Variants in ADGRL4 observed in about 807,000 individuals in gnomAD.
ADGRL4 encodes adhesion G protein-coupled receptor L4, also known as EGF, latrophilin and seven transmembrane domain containing 1.
Under a neutral mutation model 74.8 loss-of-function variants are expected in ADGRL4, and 90 were observed. The ratio of observed to expected loss-of-function variants is 1.20; its 90% CI spans 1.02 to 1.43. The LOEUF is 1.43. ADGRL4 is among the 40% of genes most tolerant of loss of function. The probability of loss-of-function intolerance (pLI) is 0.00; values close to 1 mark genes in which losing one functional copy is unlikely to be tolerated. For synonymous variants in ADGRL4, 311 were observed against 279.2 expected, an observed-to-expected ratio of 1.11 and a Z score of -1.14; for missense variants, 881 against 814.3, an observed-to-expected ratio of 1.08 and a Z score of -1.00.
At chr1:78,944,891 C>A (rs1349373543) in intron 3 of ADGRL4, among the ~76,000 whole-genome samples, 1 of 151,930 alleles carries the variant, frequency 6.6e-6, no homozygotes, top group African/African-American at 2.4e-5. Flanking sequence ...AATTTTTGAA[C>A]ATTGTGTCAT....
intron 12 of ADGRL4, among the ~76,000 whole-genome samples, chr1:78,895,505 A>G (rs529282564): frequency 1.3e-5 from 2 of 152,306 alleles, no homozygotes; most frequent in South Asian, 4.1e-4. Flanking sequence ...CAAAATGGAC[A>G]TGTAAGACTA....
intron 7 of ADGRL4, among the ~76,000 whole-genome samples, chr1:78,929,216 T>C (rs1649185681): frequency 6.6e-6 from 1 of 151,298 alleles, no homozygotes; most frequent in African/African-American, 2.5e-5. Flanking sequence ...TAAAAAAATA[T>C]ACATTTAAAA....
At chr1:78,952,328 C>CTTTTTTTT (rs10647389) in intron 2 of ADGRL4, among the ~76,000 whole-genome samples, 1 of 119,694 alleles carries the variant, frequency 8.4e-6, no homozygotes, top group Non-Finnish European at 1.7e-5. Flanking sequence ...ACATAGAAAG[C>CTTTTTTTT]TTTTTTTTTT....
intron 2 of ADGRL4, among the ~76,000 whole-genome samples, chr1:78,973,856 G>A (rs540047194): frequency 2.6e-5 from 4 of 151,828 alleles, no homozygotes; most frequent in Non-Finnish European, 5.9e-5. Context: ...AATAATGCCA[G>A]GAAGATATTT....
chr1:78,909,912 T>G (rs918702940), intron 12 of ADGRL4, among the ~76,000 whole-genome samples: 2 of 151,866 alleles, frequency 1.3e-5, no homozygotes, highest in African/African-American at 4.8e-5. Context: ...AATAGGAAAG[T>G]TGTTAAATAA....
At chr1:78,920,147 C>A (rs775724891) in intron 10 of ADGRL4, 36 bp downstream of exon 10, 1 of 1,512,588 alleles carries the variant, frequency 6.6e-7, no homozygotes, top group South Asian at 1.2e-5. Context: ...GTACACATAT[C>A]ATAGGACAAA....
At chr1:78,913,308 A>C (rs892545127) in intron 12 of ADGRL4, among the ~76,000 whole-genome samples, 2 of 151,954 alleles carry the variant, frequency 1.3e-5, no homozygotes, top group African/African-American at 4.8e-5. Context: ...AAAGAATATA[A>C]ATTGTTCTAT....
intron 7 of ADGRL4, among the ~76,000 whole-genome samples, chr1:78,934,796 G>GA (rs1283800975): frequency 6.6e-6 from 1 of 151,700 alleles, no homozygotes; most frequent in African/African-American, 2.4e-5. Context: ...CAACAAACAT[G>GA]AAAAAAAAGC....
At chr1:78,924,034 T>C (rs1378306008) in intron 8 of ADGRL4, among the ~76,000 whole-genome samples, 4 of 152,066 alleles carry the variant, frequency 2.6e-5, no homozygotes, top group African/African-American at 9.6e-5. Context: ...TTAAAGATTT[T>C]GGAATACTGA....
At chr1:78,891,779 T>C in intron 13 of ADGRL4, 87 bp from the exon 14 acceptor site, 1 of 1,204,926 alleles carries the variant, frequency 8.3e-7, no homozygotes, top group Non-Finnish European at 1.1e-6. Context: ...GGGAGGTGAG[T>C]TTTCAGTATA....
chr1:78,919,884 T>C (rs1648959681), intron 10 of ADGRL4, among the ~76,000 whole-genome samples: 1 of 151,972 alleles, frequency 6.6e-6, no homozygotes, highest in Non-Finnish European at 1.5e-5. Flanking sequence ...TTGGCCTTTG[T>C]TTAACGTCCA....
intron 12 of ADGRL4, among the ~76,000 whole-genome samples, chr1:78,914,157 G>A (rs372091034): frequency 7.3e-4 from 111 of 151,786 alleles, no homozygotes; most frequent in African/African-American, 2.5e-3. Flanking sequence ...CTGCCCTTTC[G>A]CAATCATATA....
At chr1:78,988,782 C>T (rs558009270) in intron 2 of ADGRL4, among the ~76,000 whole-genome samples, 5 of 151,924 alleles carry the variant, frequency 3.3e-5, no homozygotes, top group South Asian at 2.1e-4. Flanking sequence ...ACGTGAATCA[C>T]TTGAGAGGCA....
At chr1:78,981,316 C>A (rs139893094) in intron 2 of ADGRL4, among the ~76,000 whole-genome samples, 2 of 151,724 alleles carry the variant, frequency 1.3e-5, no homozygotes, top group Admixed American at 6.6e-5. Flanking sequence ...TTCACTCAGG[C>A]AGAGGAGGAA....
intron 12 of ADGRL4, among the ~76,000 whole-genome samples, chr1:78,899,441 A>G (rs866841568): frequency 6.6e-6 from 1 of 152,040 alleles, no homozygotes; most frequent in African/African-American, 2.4e-5. Context: ...TGCAACCTCA[A>G]CCTCCTGGAC....
intron 2 of ADGRL4, among the ~76,000 whole-genome samples, chr1:78,990,973 A>G (rs1650597405): frequency 6.6e-6 from 1 of 152,032 alleles, no homozygotes; most frequent in South Asian, 2.1e-4. Flanking sequence ...AGGCAAAACT[A>G]TCAAGCAAGT....
intron 2 of ADGRL4, among the ~76,000 whole-genome samples, chr1:78,960,736 G>A (rs1029679221): frequency 6.6e-6 from 1 of 152,094 alleles, no homozygotes; most frequent in Non-Finnish European, 1.5e-5. Context: ...AATGGAATTA[G>A]TGCCCTTACA....
rs571222110 is a variant in ADGRL4, at chr1:78,897,514, A to G, written c.1750-4325T>C. Among the ~76,000 whole-genome samples, 4 of 152,196 alleles carry G rather than the reference A, an allele frequency of 2.6e-5. No individual in the cohort carries two copies. The South Asian group carries it at 8.3e-4, about 32-fold the overall frequency. ...ATTACCCTTAACTTGCACCTTGGCT[A>G]TAAATCCCCTGATTTCAGAGTTGGG... On this transcript the variant is annotated intron_variant, in intron 12 of 14. Transcript: ENST00000370742.
intron 2 of ADGRL4, among the ~76,000 whole-genome samples, chr1:78,958,966 C>T (rs1416304933): frequency 6.6e-6 from 1 of 152,162 alleles, no homozygotes; most frequent in African/African-American, 2.4e-5. Flanking sequence ...AGACCTTCCA[C>T]CAGCAACACG....
Sources: gnomAD v4.1 joint callset for allele counts (sites outside exome capture counted in the v4.1 genomes callset) on GRCh38, gnomAD v4.1.1 for gene constraint, MANE v1.5 for transcripts, NCBI Gene and HGNC (gene_info 2026-07-23, HGNC 2026-07-21) for gene names.